The following ZNF148 variants were observed in gnomAD, a reference collection of about 807,000 sequenced individuals.
ZNF148 encodes Beta-Enolase Repressor Factor-1.
ZNF148 carries 7 observed loss-of-function variants against 67.7 expected under a neutral mutation model. The observed-to-expected ratio is 0.10, with a 90% CI of 0.06 to 0.19. The LOEUF (loss-of-function observed/expected upper bound fraction) is 0.19. ZNF148 is among the 10% of genes least tolerant of loss of function. The pLI, the probability that ZNF148 is intolerant of heterozygous loss-of-function variation, is 1.00. For missense variants in ZNF148, 583 were observed against 947.1 expected (o/e 0.62, Z 5.05); for synonymous variants, 333 against 330.7 (o/e 1.01, Z -0.08).
intron 7 of ZNF148, among the ~76,000 whole-genome samples, chr3:125,252,311 A>G (rs1488161589): frequency 6.7e-6 from 1 of 149,982 alleles, no homozygotes; most frequent in Non-Finnish European, 1.5e-5. Flanking sequence ...CCCCATTCCA[A>G]GTTGTGACAT....
chr3:125,347,721 G>T (rs937317800), intron 1 of ZNF148, among the ~76,000 whole-genome samples: 3 of 151,722 alleles, frequency 2.0e-5, no homozygotes, highest in Admixed American at 2.0e-4. Flanking sequence ...TATAGAGGTG[G>T]GGTCTCATTA....
intron 4 of ZNF148, among the ~76,000 whole-genome samples, chr3:125,311,979 C>T (rs543794197): frequency 5.9e-5 from 9 of 152,284 alleles, no homozygotes; most frequent in African/African-American, 1.4e-4. Flanking sequence ...GCACCAGACC[C>T]AAAGCAGTTC....
chr3:125,283,734 T>C (rs1938513803), intron 5 of ZNF148, among the ~76,000 whole-genome samples: 1 of 152,174 alleles, frequency 6.6e-6, no homozygotes, highest in African/African-American at 2.4e-5. Flanking sequence ...ATGTCTGGTA[T>C]ATCTACTTCT....
At chr3:125,284,947 T>C (rs527237365) in intron 5 of ZNF148, among the ~76,000 whole-genome samples, 1 of 149,150 alleles carries the variant, frequency 6.7e-6, no homozygotes, top group African/African-American at 2.5e-5. Flanking sequence ...CTTTGCCATA[T>C]GAGAAAAGTT....
chr3:125,229,194 G>A lies in ZNF148; in HGVS notation c.*3147C>T, dbSNP rs1350927279. 1.6e-5 allele frequency: 2 copies of A among 126,064 alleles called. No homozygotes were observed. Among genetic ancestry groups the A allele is most frequent in the Non-Finnish European group, 3.2e-5 (2 of 61,816 alleles). The allele number at this position is 126,064 out of a possible 1,614,324, so 7.8% of individuals were successfully genotyped here. On this transcript the variant is annotated 3_prime_UTR_variant, in exon 9 of 9. Coordinates refer to ENST00000360647, the MANE Select transcript of ZNF148 (RefSeq NM_021964.3). ...TACTACAGTAATGCCTACTTTTAAA[G>A]TTTCCCGGCCTTTTTTTTTTTTTTT...
At chr3:125,297,607 T>C (rs1939353028) in intron 4 of ZNF148, among the ~76,000 whole-genome samples, 1 of 151,184 alleles carries the variant, frequency 6.6e-6, no homozygotes, top group African/African-American at 2.5e-5. Context: ...AACATCTACC[T>C]TACTAAAAAA....
chr3:125,358,930 A>G (rs1942453379), intron 1 of ZNF148, among the ~76,000 whole-genome samples: 1 of 152,224 alleles, frequency 6.6e-6, no homozygotes. Flanking sequence ...TCTATGTTGA[A>G]TTAATATAGT....
chr3:125,234,661 A>G (rs1222103853), intron 7 of ZNF148, among the ~76,000 whole-genome samples: 3 of 152,214 alleles, frequency 2.0e-5, no homozygotes, highest in Admixed American at 1.3e-4. Flanking sequence ...AAAATATTGT[A>G]TAACAGTAAA....
At chr3:125,258,126 G>C (rs1937168886) in intron 7 of ZNF148, among the ~76,000 whole-genome samples, 1 of 151,350 alleles carries the variant, frequency 6.6e-6, no homozygotes, top group Non-Finnish European at 1.5e-5. Context: ...TTTTTTTAAA[G>C]AGATAGCATC....
At chr3:125,322,920 A>T (rs1940848125) in intron 3 of ZNF148, among the ~76,000 whole-genome samples, 1 of 152,224 alleles carries the variant, frequency 6.6e-6, no homozygotes, top group African/African-American at 2.4e-5. Flanking sequence ...AAACATCATT[A>T]AATTTGACTA....
intron 3 of ZNF148, among the ~76,000 whole-genome samples, chr3:125,318,934 A>C (rs1940644617): frequency 6.6e-6 from 1 of 152,022 alleles, no homozygotes; most frequent in Admixed American, 6.6e-5. Context: ...GAAACTGTCT[A>C]CAGGGGTATC....
At chr3:125,290,364 CTCTT>C (rs975272808) in intron 4 of ZNF148, among the ~76,000 whole-genome samples, 16 of 152,094 alleles carry the variant, frequency 1.1e-4, no homozygotes, top group African/African-American at 3.9e-4. Flanking sequence ...CAATCTTTCC[CTCTT>C]TATTTTCCTG....
chr3:125,323,500 C>A (rs908133938), intron 2 of ZNF148, 56 bp from the exon 3 acceptor site: 1 of 608,600 alleles, frequency 1.6e-6, no homozygotes, highest in African/African-American at 1.9e-5. Flanking sequence ...AGATACTATA[C>A]AAATATAATA....
chr3:125,242,990 G>A (rs1936435587), intron 7 of ZNF148, among the ~76,000 whole-genome samples: 1 of 152,160 alleles, frequency 6.6e-6, no homozygotes, highest in Admixed American at 6.5e-5. Context: ...CGTTTGTCCT[G>A]CTGGACCACT....
chr3:125,301,935 G>A (rs1488621941), intron 4 of ZNF148, among the ~76,000 whole-genome samples: 2 of 151,804 alleles, frequency 1.3e-5, no homozygotes, highest in Admixed American at 6.6e-5. Flanking sequence ...ATGGTGGCGG[G>A]CATCTGGAAT....
At chr3:125,333,616 C>A (rs1472205145) in intron 1 of ZNF148, among the ~76,000 whole-genome samples, 1 of 152,204 alleles carries the variant, frequency 6.6e-6, no homozygotes, top group Non-Finnish European at 1.5e-5. Context: ...TGGACAACCA[C>A]CCAAGTCAGT....
At chr3:125,235,290 A>G (rs1390955407) in intron 7 of ZNF148, among the ~76,000 whole-genome samples, 1 of 152,212 alleles carries the variant, frequency 6.6e-6, no homozygotes, top group Non-Finnish European at 1.5e-5. Flanking sequence ...AACAAGATAC[A>G]CACATTTTAA....
chr3:125,233,762 T>G lies in ZNF148; in HGVS notation c.964A>C (p.Lys322Gln). ...LPKKKRQKTE[K>Q]KSSGMDKESA... Reference sequence around the variant, plus strand: ...TCTTTGTCCATTCCAGATGATTTTTTCTCCGTTTTCTGCCTTTTCTTTTTT... The same window carrying G: ...TCTTTGTCCATTCCAGATGATTTTTGCTCCGTTTTCTGCCTTTTCTTTTTT... Residue 322 changes from lysine to glutamine, a missense_variant, in exon 9 of 9, where the codon AAA becomes CAA. Lys to Gln is a moderately conservative substitution (Grantham distance 53). Around this residue, in one of 5 missense-constraint regions of ZNF148, gnomAD observed 78 missense variants for 86.5 expected, o/e 0.90. Transcript: ENST00000360647. This position sits in a 1 kb window ranked among gnomAD's most constrained non-coding sequence, Gnocchi z 5.1. 6.2e-7 allele frequency: 1 copy of G among 1,613,822 alleles called. No homozygotes were observed. The highest frequency in any genetic ancestry group is 8.5e-7 in the Non-Finnish European group (1 of 1,179,894).
chr3:125,341,447 C>T (rs1023213294), intron 1 of ZNF148, among the ~76,000 whole-genome samples: 1 of 151,782 alleles, frequency 6.6e-6, no homozygotes, highest in Non-Finnish European at 1.5e-5. Context: ...AGTGAGACCC[C>T]ATCTGTACAA....
Sources: gnomAD v4.1 joint callset for allele counts (sites outside exome capture counted in the v4.1 genomes callset) on GRCh38, gnomAD v4.1.1 for gene constraint, gnomAD v4.1.1 regional missense constraint, Gnocchi (gnomAD v3.1) non-coding constraint, MANE v1.5 for transcripts, NCBI Gene and HGNC (gene_info 2026-07-23, HGNC 2026-07-21) for gene names.